RAD54L2: variants seen among roughly 807,000 people sequenced by gnomAD.
RAD54L2 encodes the protein helicase ARIP4.
In RAD54L2, 27 loss-of-function variants were observed where a neutral mutation model predicts 138.4. The ratio of observed to expected loss-of-function variants is 0.20; its 90% CI spans 0.14 to 0.27. The LOEUF (loss-of-function observed/expected upper bound fraction) is 0.27. Ranked by LOEUF, RAD54L2 falls within the 10% of genes least tolerant of loss-of-function variation. RAD54L2 has a pLI of 1.00. For missense variants in RAD54L2, 1,396 were observed against 1,890.2 expected (o/e 0.74, Z 4.85); for synonymous variants, 644 against 723.2 (o/e 0.89, Z 1.76).
intron 2 of RAD54L2, among the ~76,000 whole-genome samples, chr3:51,573,449 A>G (rs574044022): frequency 6.8e-6 from 1 of 146,928 alleles, no homozygotes; most frequent in African/African-American, 2.5e-5. Flanking sequence ...AAATCTATCT[A>G]TTTTTTTTTT....
chr3:51,566,637 G>T (rs959677649), intron 2 of RAD54L2, among the ~76,000 whole-genome samples: 3 of 151,632 alleles, frequency 2.0e-5, no homozygotes, highest in Non-Finnish European at 4.4e-5. Flanking sequence ...TGCATTTTTA[G>T]AGATAGTTAT....
At chr3:51,577,133 G>A (rs1190920156) in intron 2 of RAD54L2, among the ~76,000 whole-genome samples, 3 of 152,158 alleles carry the variant, frequency 2.0e-5, no homozygotes, top group African/African-American at 4.8e-5. Flanking sequence ...AGGTTGTTCC[G>A]TTTCCATGTA....
chr3:51,604,080 A>C (rs1700130777), intron 3 of RAD54L2, among the ~76,000 whole-genome samples: 1 of 152,150 alleles, frequency 6.6e-6, no homozygotes, highest in Non-Finnish European at 1.5e-5. Context: ...TGGATTCAGG[A>C]TATGTTTTGA....
intron 2 of RAD54L2, among the ~76,000 whole-genome samples, chr3:51,552,643 C>T (rs771472929): frequency 1.7e-4 from 25 of 144,480 alleles, no homozygotes; most frequent in Admixed American, 2.9e-4. Context: ...ATGATCATAG[C>T]TCACTGCAAC....
chr3:51,572,448 G>A (rs1365096411), intron 2 of RAD54L2, among the ~76,000 whole-genome samples: 5 of 134,906 alleles, frequency 3.7e-5, no homozygotes, highest in African/African-American at 1.2e-4. Context: ...GTGAGACTCC[G>A]TCTTAAAAAA....
chr3:51,626,570 G>A (rs762235439), intron 3 of RAD54L2, among the ~76,000 whole-genome samples: 1 of 148,094 alleles, frequency 6.8e-6, no homozygotes, highest in Non-Finnish European at 1.5e-5. Context: ...TTAGCCTCCC[G>A]AGTAGCTGGG....
intron 2 of RAD54L2, among the ~76,000 whole-genome samples, chr3:51,545,965 G>C (rs1457812443): frequency 6.0e-5 from 8 of 132,450 alleles, no homozygotes; most frequent in African/African-American, 2.1e-4. Context: ...TGGAGATGGC[G>C]TCTCACTCTG....
At chr3:51,569,254 C>T (rs1699283411) in intron 2 of RAD54L2, among the ~76,000 whole-genome samples, 1 of 152,196 alleles carries the variant, frequency 6.6e-6, no homozygotes, top group Non-Finnish European at 1.5e-5. Flanking sequence ...CCAAGTCACT[C>T]AGGCAGCATA....
intron 19 of RAD54L2, among the ~76,000 whole-genome samples, chr3:51,649,233 G>A (rs547287636): frequency 3.3e-5 from 5 of 151,944 alleles, no homozygotes; most frequent in South Asian, 2.1e-4. Flanking sequence ...ATGAAATGCG[G>A]TGAGAAAAGT....
intron 1 of RAD54L2, among the ~76,000 whole-genome samples, chr3:51,539,511 A>G (rs113906785): frequency 6.6e-6 from 1 of 152,254 alleles, no homozygotes; most frequent in African/African-American, 2.4e-5. Context: ...GCCCTGATGC[A>G]CCCTGACGAG....
At chr3:51,552,255 G>A (rs1300810453) in intron 2 of RAD54L2, among the ~76,000 whole-genome samples, 1 of 151,780 alleles carries the variant, frequency 6.6e-6, no homozygotes, top group Non-Finnish European at 1.5e-5. Flanking sequence ...AGCTATACTT[G>A]CTAGAATAGG....
At chr3:51,630,660 C>T in intron 6 of RAD54L2, 45 bp from the exon 7 acceptor site, 1 of 1,489,610 alleles carries the variant, frequency 6.7e-7, no homozygotes, top group Non-Finnish European at 9.3e-7. Flanking sequence ...AGTAAATTAT[C>T]TTCACTCCCT....
intron 3 of RAD54L2, among the ~76,000 whole-genome samples, chr3:51,599,893 C>T (rs1700044747): frequency 6.6e-6 from 1 of 151,952 alleles, no homozygotes; most frequent in Non-Finnish European, 1.5e-5. Flanking sequence ...GATGGGATTA[C>T]AGGCATGAGC....
intron 14 of RAD54L2, among the ~76,000 whole-genome samples, chr3:51,641,452 G>C (rs1701133757): frequency 6.6e-6 from 1 of 152,042 alleles, no homozygotes; most frequent in Non-Finnish European, 1.5e-5. Context: ...AAATAGCTGG[G>C]ATTACAGGCG....
In RAD54L2 at chr3:51,668,523, T is replaced by A. The variant is rs1163131630; in HGVS notation, c.*5103T>A. Reference sequence around the variant, plus strand: ...CTGCCCCAGAGACTGGGCAACTGGCTGTTTCTATGACGTATTTATTTTTAC... The same window carrying A: ...CTGCCCCAGAGACTGGGCAACTGGCAGTTTCTATGACGTATTTATTTTTAC... On this transcript the variant is annotated 3_prime_UTR_variant, in exon 23 of 23. Coordinates refer to ENST00000684192, the MANE Select transcript of RAD54L2 (RefSeq NM_015106.4). 1 of 152,234 alleles carries A rather than the reference T, an allele frequency of 6.6e-6. No homozygotes were observed. Among genetic ancestry groups the A allele is most frequent in the Non-Finnish European group, 1.5e-5 (1 of 68,042 alleles). The allele number at this position is 152,234 out of a possible 1,614,324, so 9.4% of individuals were successfully genotyped here.
At position 51,638,314 on chromosome 3, in the gene RAD54L2, G is replaced by A. The variant is rs1298882245; in HGVS notation, c.1853G>A (p.Cys618Tyr). 5 of 1,613,702 alleles carry A rather than the reference G, an allele frequency of 3.1e-6. No homozygotes were observed. In the Admixed American group the frequency reaches 6.7e-5, roughly 22 times the overall value. ...GLNPLKAFCV[C>Y]CKIWNHPDVL... ...AACCCCCTTAAGGCATTCTGTGTGT[G>A]TTGCAAGGTGCATTGGGGCCTCAGG... is the stretch of plus-strand genomic sequence containing the variant. Residue 618 changes from cysteine to tyrosine, a missense_variant, in exon 12 of 23, where the codon TGT becomes TAT. Coordinates refer to ENST00000684192, the MANE Select transcript of RAD54L2 (RefSeq NM_015106.4). This position sits in a 1 kb window ranked among gnomAD's most constrained non-coding sequence, Gnocchi z 4.3.
At chr3:51,659,000 G>A (rs1334067568) in intron 21 of RAD54L2, among the ~76,000 whole-genome samples, 2 of 151,488 alleles carry the variant, frequency 1.3e-5, no homozygotes, top group Admixed American at 1.3e-4. Flanking sequence ...TTGGAGTACA[G>A]TCATGCCACG....
chr3:51,633,969 C>G lies in RAD54L2; in HGVS notation c.1076C>G (p.Ala359Gly), dbSNP rs781475410. Residue 359 changes from alanine (A) to glycine (G), a missense_variant, in exon 9 of 23, where the codon GCT (alanine) becomes GGT (glycine). Ala to Gly is a moderately conservative substitution (Grantham distance 60). Around this residue, in one of 7 missense-constraint regions of RAD54L2, gnomAD observed 169 missense variants for 235.6 expected, o/e 0.72. Transcript: ENST00000684192. ...MWLPPPEALP[A>G]DNKPEEVQPR... The stretch of plus-strand genomic sequence containing the variant: ...CTTCCACCTCCTGAAGCCCTCCCGG[C>G]TGACAACAAGCCTGAAGAAGTCCAG... 1 of 1,613,944 alleles carries G rather than the reference C, an allele frequency of 6.2e-7. No homozygotes were observed. Among genetic ancestry groups the G allele is most frequent in the South Asian group, 1.1e-5 (1 of 91,082 alleles).
In RAD54L2 at chr3:51,637,866, G is replaced by T. The variant is rs1701025541; in HGVS notation, c.1683-278G>T. Among the ~76,000 whole-genome samples the T allele has an allele frequency of 6.6e-6, 1 of 152,230 alleles. No individual in the cohort carries two copies. The highest frequency in any genetic ancestry group is 2.1e-4 in the South Asian group (1 of 4,838). On this transcript the variant is annotated intron_variant, in intron 11 of 22. Coordinates refer to ENST00000684192, the MANE Select transcript of RAD54L2 (RefSeq NM_015106.4). The surrounding 1 kb of genome is among the most constrained non-coding windows in gnomAD (Gnocchi z 5.9). ...GCATATGGAGCGAAAGCTCAGAGAGGCAGCCCAAATTAAAGTAAGAACCTC... is the reference window on the plus strand; with the variant it reads ...GCATATGGAGCGAAAGCTCAGAGAGTCAGCCCAAATTAAAGTAAGAACCTC...
Sources: gnomAD v4.1 joint callset for allele counts (sites outside exome capture counted in the v4.1 genomes callset) on GRCh38, gnomAD v4.1.1 for gene constraint, gnomAD v4.1.1 regional missense constraint, Gnocchi (gnomAD v3.1) non-coding constraint, MANE v1.5 for transcripts, NCBI Gene and HGNC (gene_info 2026-07-23, HGNC 2026-07-21) for gene names.